The following NAALADL2 variants were observed in gnomAD, a reference collection of about 807,000 sequenced individuals.
NAALADL2 encodes the protein N-acetylated alpha-linked acidic dipeptidase like 2, also known as inactive N-acetylated-alpha-linked acidic dipeptidase-like protein 2.
A neutral mutation model predicts 87.2 loss-of-function variants in NAALADL2; 76 were observed. The observed-to-expected ratio is 0.87, with a 90% confidence interval of 0.72 to 1.05. The LOEUF (loss-of-function observed/expected upper bound fraction) is 1.05, where lower values mean the gene tolerates loss of function less well. Among genes scored for constraint, NAALADL2 ranks in the 50% least tolerant of loss-of-function variants. The pLI, the probability that NAALADL2 is intolerant of heterozygous loss-of-function variation, is 0.00. For synonymous variants in NAALADL2, 354 were observed against 331.0 expected (o/e 1.07, Z -0.75); for missense variants, 1,089 against 945.8 (o/e 1.15, Z -1.99).
At chr3:174,647,975 A>G (rs553538605) in intron 2 of NAALADL2, among the ~76,000 whole-genome samples, 79 of 152,306 alleles carry the variant, frequency 5.2e-4, no homozygotes, top group African/African-American at 1.8e-3. Flanking sequence ...GCATTTTCCT[A>G]TGCAAACTAT....
rs146073413 is a variant in NAALADL2, at chr3:175,455,376, A to G, written c.1234+8004A>G. Reference sequence around the variant, plus strand: ...TGCAGCAAAGATAGTGCTTCAGGTGATTAGTCTTCTGATTCATTTTATGAT... The same window carrying G: ...TGCAGCAAAGATAGTGCTTCAGGTGGTTAGTCTTCTGATTCATTTTATGAT... On this transcript the variant is annotated intron_variant, in intron 6 of 13. Transcript: ENST00000454872. Among the ~76,000 whole-genome samples the G allele has an allele frequency of 3.9e-4, 59 of 152,206 alleles. No individual in the cohort carries two copies. The East Asian group carries it at 0.01, about 26-fold the overall frequency.
chr3:175,243,487 A>T (rs967805850), intron 3 of NAALADL2, among the ~76,000 whole-genome samples: 22 of 150,970 alleles, frequency 1.5e-4, no homozygotes, highest in South Asian at 4.2e-4. Flanking sequence ...AATTATAATG[A>T]AAATCTTTAA....
intron 2 of NAALADL2, among the ~76,000 whole-genome samples, chr3:175,224,932 T>G (rs1173324555): frequency 1.3e-5 from 2 of 152,168 alleles, no homozygotes; most frequent in African/African-American, 2.4e-5. Flanking sequence ...TTCATAAGTT[T>G]GGGTGGGTTA....
intron 2 of NAALADL2, among the ~76,000 whole-genome samples, chr3:174,600,840 A>AG (rs1718379945): frequency 6.6e-6 from 1 of 152,124 alleles, no homozygotes; most frequent in Non-Finnish European, 1.5e-5. Context: ...TAGCACCAAA[A>AG]GGGGAAATCT....
At chr3:175,138,837 G>A (rs1386305816) in intron 2 of NAALADL2, among the ~76,000 whole-genome samples, 1 of 139,848 alleles carries the variant, frequency 7.2e-6, no homozygotes, top group African/African-American at 2.7e-5. Flanking sequence ...TGTGGTACAT[G>A]GGCAGATGAA....
At chr3:175,718,228 A>ATTTT in intron 11 of NAALADL2, 1 of 319,608 alleles carries the variant, frequency 3.1e-6, no homozygotes, top group Non-Finnish European at 4.9e-6. Flanking sequence ...TTTTTTGATT[A>ATTTT]GTTGCTGTAA....
At chr3:175,539,385 A>C (rs1041168664) in intron 9 of NAALADL2, among the ~76,000 whole-genome samples, 2 of 152,208 alleles carry the variant, frequency 1.3e-5, no homozygotes, top group Admixed American at 6.5e-5. Flanking sequence ...GTTACGCATT[A>C]ATCTCCTAAT....
At chr3:175,201,123 A>G (rs1364821513) in intron 2 of NAALADL2, among the ~76,000 whole-genome samples, 2 of 152,088 alleles carry the variant, frequency 1.3e-5, no homozygotes, top group East Asian at 1.9e-4. Context: ...TTAAATGTCT[A>G]TGTACCTGTG....
At chr3:174,867,251 T>C (rs1426618767) in intron 1 of NAALADL2, among the ~76,000 whole-genome samples, 1 of 151,980 alleles carries the variant, frequency 6.6e-6, no homozygotes, top group Non-Finnish European at 1.5e-5. Context: ...CCTTCTCCTT[T>C]CTTCCAACAA....
chr3:174,602,112 G>A lies in NAALADL2; in HGVS notation c.-115+51475G>A, dbSNP rs77182200. Among the ~76,000 whole-genome samples the A allele has an allele frequency of 2.0e-5, 3 of 151,968 alleles. No individual in the cohort carries two copies. The East Asian group carries it at 5.8e-4, about 29-fold the overall frequency. On this transcript the variant is annotated intron_variant, in intron 2 of 3. Transcript: ENST00000434257. ...CTTTGGCTATTCTGAGTATTTTGTG[G>A]TTTCATATAAATTTAAGGATTGTTT... is the stretch of plus-strand genomic sequence containing the variant.
At chr3:175,425,757 C>T (rs1014423106) in intron 5 of NAALADL2, among the ~76,000 whole-genome samples, 1 of 152,036 alleles carries the variant, frequency 6.6e-6, no homozygotes, top group Non-Finnish European at 1.5e-5. Flanking sequence ...TTTTATCCTA[C>T]ATTGAAAACA....
chr3:174,793,766 T>C (rs1717746378), intron 3 of NAALADL2, among the ~76,000 whole-genome samples: 1 of 152,060 alleles, frequency 6.6e-6, no homozygotes, highest in Non-Finnish European at 1.5e-5. Context: ...CCAGGTACTG[T>C]TTACAGGTTT....
rs531715314 is a variant in NAALADL2 at position 175,206,364 on chromosome 3, G to A, written c.546-27567G>A. ...TATAATGTATATGTTATATATACACGATGGAATACTATTCAGCCATAAAAA... is the reference window on the plus strand; with the variant it reads ...TATAATGTATATGTTATATATACACAATGGAATACTATTCAGCCATAAAAA... On this transcript the variant is annotated intron_variant, in intron 2 of 13. Transcript: ENST00000454872. Among the ~76,000 whole-genome samples, 19 of 145,502 alleles carry A rather than the reference G, an allele frequency of 1.3e-4. No homozygotes were observed. In the South Asian group the frequency reaches 3.3e-3, roughly 25 times the overall value.
intron 5 of NAALADL2, among the ~76,000 whole-genome samples, chr3:175,419,993 T>C (rs938361310): frequency 4.6e-5 from 7 of 151,998 alleles, no homozygotes; most frequent in African/African-American, 1.7e-4. Context: ...ATTTTTTTAA[T>C]GAAAGTTCAG....
At chr3:175,788,088 G>GTTTT (rs1004422588) in intron 13 of NAALADL2, among the ~76,000 whole-genome samples, 11 of 104,246 alleles carry the variant, frequency 1.1e-4, no homozygotes, top group Admixed American at 2.0e-4. Context: ...TTTTTTACCT[G>GTTTT]TTTTTTTTTT....
intron 12 of NAALADL2, among the ~76,000 whole-genome samples, chr3:175,742,571 G>C (rs916932275): frequency 2.6e-5 from 4 of 151,748 alleles, no homozygotes; most frequent in Middle Eastern, 6.8e-3. Context: ...CTAATTTTTT[G>C]TATTTTTAGT....
chr3:175,589,398 C>T (rs943032510), intron 10 of NAALADL2, among the ~76,000 whole-genome samples: 11 of 151,994 alleles, frequency 7.2e-5, no homozygotes, highest in African/African-American at 2.7e-4. Flanking sequence ...TTAATTCCCT[C>T]CTTTCTATCC....
chr3:174,782,644 T>G (rs1336766343), intron 3 of NAALADL2, among the ~76,000 whole-genome samples: 2 of 151,878 alleles, frequency 1.3e-5, no homozygotes, highest in Admixed American at 6.6e-5. Context: ...AGAAAAAAGG[T>G]TTAATTGACT....
chr3:175,017,844 C>T (rs1205666295), intron 1 of NAALADL2, among the ~76,000 whole-genome samples: 1 of 152,008 alleles, frequency 6.6e-6, no homozygotes, highest in Non-Finnish European at 1.5e-5. Context: ...GTTGGCCAGT[C>T]CCTTCTGTCT....
Sources: gnomAD v4.1 joint callset for allele counts (sites outside exome capture counted in the v4.1 genomes callset) on GRCh38, gnomAD v4.1.1 for gene constraint, MANE v1.5 for transcripts, NCBI Gene and HGNC (gene_info 2026-07-23, HGNC 2026-07-21) for gene names.